COL11A2: variants seen among roughly 807,000 people sequenced by gnomAD.
COL11A2 encodes collagen alpha-2(XI) chain.
COL11A2 carries 116 observed loss-of-function variants against 273.4 expected under a neutral mutation model. That is an observed-to-expected ratio of 0.42 (90% confidence interval 0.36 to 0.49). COL11A2 has a LOEUF of 0.49. COL11A2 is among the 20% of genes least tolerant of loss of function. The pLI is 0.00. For missense variants in COL11A2, 1,866 were observed against 2,309.0 expected (o/e 0.81, Z 3.93); for synonymous variants, 782 against 864.2 (o/e 0.90, Z 1.67).
In COL11A2 at chr6:33,189,245, C is replaced by T; in HGVS notation, c.233-57G>A. The stretch of plus-strand genomic sequence containing the variant: ...GAGGCAAAGGGAGCCGCCACAACCC[C>T]TTTCCTCCTGGTGTCTGATCCTAGG... On this transcript the variant is annotated intron_variant, in intron 2 of 65. Transcript: ENST00000341947. This position sits in a 1 kb window ranked among gnomAD's most constrained non-coding sequence, Gnocchi z 5.6. 1.9e-6 allele frequency: 3 copies of T among 1,613,460 alleles called. No homozygotes were observed. The highest frequency in any genetic ancestry group is 2.2e-5 in the East Asian group (1 of 44,852).
In COL11A2 at chr6:33,167,337, A is replaced by G. The variant is rs760358440; in HGVS notation, c.4123-20T>C. ...CTGACCCTGAAGATTTGAGGGGGCC[A>G]CAGGGGTCAGGAGGAGCATCCCCAC... On this transcript the variant is annotated intron_variant, in intron 56 of 65. Transcript: ENST00000341947. This position sits in a 1 kb window ranked among gnomAD's most constrained non-coding sequence, Gnocchi z 6.1. 5 of 1,613,160 alleles carry G rather than the reference A, an allele frequency of 3.1e-6. No individual in the cohort carries two copies. The African/African-American group carries it at 5.3e-5, about 17-fold the overall frequency.
rs777951561 is a variant in COL11A2, at chr6:33,169,329, G to C, written c.3798+54C>G. On this transcript the variant is annotated intron_variant, in intron 51 of 65. Transcript: ENST00000341947. The surrounding 1 kb of genome is among the most constrained non-coding windows in gnomAD (Gnocchi z 5.5). ...TCCCTCACACACACCCATATTCCCA[G>C]GTCTGTCATTCACAGGGCCTGAGAG... 31 of 1,496,574 alleles carry C rather than the reference G, an allele frequency of 2.1e-5. No individual in the cohort carries two copies. The highest frequency in any genetic ancestry group is 2.9e-5 in the Non-Finnish European group (31 of 1,080,410). The allele number at this position is 1,496,574 out of a possible 1,614,324, so 92.7% of individuals were successfully genotyped here.
chr6:33,175,735 C>T (rs1231171154), intron 29 of COL11A2, 54 bp from the exon 30 acceptor site: 1 of 1,544,370 alleles, frequency 6.5e-7, no homozygotes, highest in Non-Finnish European at 8.9e-7. Context: ...GGGCTCTGGG[C>T]CCAGAGGAGA....
chr6:33,170,181 A>C lies in COL11A2; in HGVS notation c.3583-81T>G. The C allele has an allele frequency of 6.3e-7, 1 of 1,598,002 alleles. No individual in the cohort carries two copies. The highest frequency in any genetic ancestry group is 8.6e-7 in the Non-Finnish European group (1 of 1,166,500). ...GGCAAAGTCCCAGATGAGCAGCCCA[A>C]GGTTACAGCAGTGAGGCAGTGGAGG... On this transcript the variant is annotated intron_variant, in intron 48 of 65. Transcript: ENST00000341947. The surrounding 1 kb of genome is among the most constrained non-coding windows in gnomAD (Gnocchi z 4.3).
rs749279309 is a variant in COL11A2 at position 33,179,336 on chromosome 6, C to T, written c.1504-52G>A. ...TAAGGAAGGACACAGCCAACAGTGG[C>T]CTCGGAGTGTTCCCCAAAAGAAGCC... is the stretch of plus-strand genomic sequence containing the variant. On this transcript the variant is annotated intron_variant, in intron 14 of 65. Transcript: ENST00000341947. The surrounding 1 kb of genome is among the most constrained non-coding windows in gnomAD (Gnocchi z 6.4). The T allele has an allele frequency of 3.8e-6, 6 of 1,588,816 alleles. No individual in the cohort carries two copies. In the Admixed American group the frequency reaches 1.1e-4, roughly 29 times the overall value.
At chr6:33,186,296 C>T in intron 5 of COL11A2, 1 of 925,294 alleles carries the variant, frequency 1.1e-6, no homozygotes, top group Non-Finnish European at 1.5e-6. Flanking sequence ...GGCTTCAGTC[C>T]CCTCTCCTAC....
rs761687232 is a variant in COL11A2, at chr6:33,171,155, G to A, written c.3325C>T (p.Pro1109Ser). 6.4e-5 allele frequency: 103 copies of A among 1,603,034 alleles called. 1 individual carries two copies. Among genetic ancestry groups the A allele is most frequent in the Non-Finnish European group, 8.5e-5 (100 of 1,174,168 alleles). ...GNKGEHGPPG[P>S]PGPIGPVGQP... ...CCCACAGGACCAATGGGTCCAGGGG[G>A]TCCAGGAGGGCCCTGGGTAAGAGAA... The change falls in exon 45 of 66, where the codon CCC (proline) becomes TCC (serine). Residue 1109 changes from proline (P) to serine (S), a missense_variant. Pro to Ser is a moderately conservative substitution (Grantham distance 74, BLOSUM62 -1). Coordinates refer to ENST00000341947, the MANE Select transcript of COL11A2 (RefSeq NM_080680.3).
rs1217801728 is a variant in COL11A2 at position 33,192,343 on chromosome 6, C to T, written c.-103G>A. The T allele has an allele frequency of 8.6e-7, 1 of 1,166,042 alleles. No homozygotes were observed. The highest frequency in any genetic ancestry group is 1.3e-5 in the South Asian group (1 of 76,564). The allele number at this position is 1,166,042 out of a possible 1,614,324, so 72.2% of individuals were successfully genotyped here. A position where few individuals can be genotyped will look rare whatever the true frequency, so the allele number is the denominator to read the frequency against. ...CAGGGAGCAGACTATGAGCCTCAGA[C>T]GCCGGGGTCCCAGGGAGGTCAGAGG... On this transcript the variant is annotated 5_prime_UTR_variant, in exon 1 of 66. Transcript: ENST00000341947.
In COL11A2 at chr6:33,169,315, C is replaced by T; in HGVS notation, c.3798+68G>A. On this transcript the variant is annotated intron_variant, in intron 51 of 65. Transcript: ENST00000341947. The surrounding 1 kb of genome is among the most constrained non-coding windows in gnomAD (Gnocchi z 5.5). ...ACACTCCAAGATCCTCCCTCACACA[C>T]ACCCATATTCCCAGGTCTGTCATTC... The T allele has an allele frequency of 7.1e-7, 1 of 1,402,322 alleles. No homozygotes were observed. Among genetic ancestry groups the T allele is most frequent in the Non-Finnish European group, 1.0e-6 (1 of 1,000,726 alleles). The allele number at this position is 1,402,322 out of a possible 1,614,324, so 86.9% of individuals were successfully genotyped here.
chr6:33,179,132 G>A lies in COL11A2; in HGVS notation c.1558-6C>T, dbSNP rs1310502389. On this transcript the variant is annotated splice_region_variant and splice_polypyrimidine_tract_variant and intron_variant, in intron 15 of 65. Coordinates refer to ENST00000341947, the MANE Select transcript of COL11A2 (RefSeq NM_080680.3). The surrounding 1 kb of genome is among the most constrained non-coding windows in gnomAD (Gnocchi z 6.4). The stretch of plus-strand genomic sequence containing the variant: ...CCCTGAGGTCCTCTGGGGCCCTGGT[G>A]AGAGGAGAGATGGGGTGGGGTTAGG... 1 of 1,613,722 alleles carries A rather than the reference G, an allele frequency of 6.2e-7. No homozygotes were observed. The highest frequency in any genetic ancestry group is 1.1e-5 in the South Asian group (1 of 91,008).
rs748811826 is a variant in COL11A2 at position 33,166,204 on chromosome 6, T to C, written c.4395A>G (p.Gly1465=). 9 of 1,600,008 alleles carry C rather than the reference T, an allele frequency of 5.6e-6. No individual in the cohort carries two copies. The African/African-American group carries it at 8.0e-5, about 14-fold the overall frequency. Residue 1465 remains glycine (G), a splice_region_variant and synonymous_variant, in exon 61 of 66, where the codon GGA becomes GGG. Coordinates refer to ENST00000341947, the MANE Select transcript of COL11A2 (RefSeq NM_080680.3). The surrounding 1 kb of genome is among the most constrained non-coding windows in gnomAD (Gnocchi z 4.8). ...IGPGGPPGLP[G]PAGPKGAKGA... ...CTTTGGCTCCTTTGGGGCCAGCAGG[T>C]CCCTGTGAAATGAGGAACAAGAAAG...
chr6:33,170,514 G>T lies in COL11A2; in HGVS notation c.3528+43C>A. The stretch of plus-strand genomic sequence containing the variant: ...GGGGTGGGGGCTGGCCAGGGAGGGG[G>T]GTGACTAGTATGGTGGCTAGGGTCA... On this transcript the variant is annotated intron_variant, in intron 47 of 65. Coordinates refer to ENST00000341947, the MANE Select transcript of COL11A2 (RefSeq NM_080680.3). The surrounding 1 kb of genome is among the most constrained non-coding windows in gnomAD (Gnocchi z 4.3). The T allele has an allele frequency of 6.2e-7, 1 of 1,607,246 alleles. No individual in the cohort carries two copies. Among genetic ancestry groups the T allele is most frequent in the Non-Finnish European group, 8.5e-7 (1 of 1,176,010 alleles).
chr6:33,192,911 G>C (rs981927982), upstream of COL11A2, among the ~76,000 whole-genome samples: 9 of 152,130 alleles, frequency 5.9e-5, no homozygotes, highest in Admixed American at 4.6e-4. Flanking sequence ...TAATTACAGA[G>C]CCGGGCCGGG....
chr6:33,163,193 C>G lies in COL11A2; in HGVS notation c.*485G>C, dbSNP rs1768585045. 1 of 170,554 alleles carries G rather than the reference C, an allele frequency of 5.9e-6. No individual in the cohort carries two copies. Among genetic ancestry groups the G allele is most frequent in the East Asian group, 1.6e-4 (1 of 6,214 alleles). 10.6% of individuals were successfully genotyped at this position (170,554 alleles called of 1,614,324 possible). A position where few individuals can be genotyped will look rare whatever the true frequency, so the allele number is the denominator to read the frequency against. On this transcript the variant is annotated 3_prime_UTR_variant, in exon 66 of 66. Transcript: ENST00000341947. The surrounding 1 kb of genome is among the most constrained non-coding windows in gnomAD (Gnocchi z 4.1). ...AGGGAGGTGGGGTTCAGCCCTGAAA[C>G]CCCCCTACACACAGTCACTGAGGAA...
intron 42 of COL11A2, 44 bp downstream of exon 42, chr6:33,171,669 A>G: frequency 1.2e-6 from 2 of 1,602,340 alleles, no homozygotes; most frequent in Non-Finnish European, 1.7e-6. Flanking sequence ...CCCTAGGCTC[A>G]CAGACCCCTC....
intron 42 of COL11A2, 51 bp downstream of exon 42, chr6:33,171,662 T>C: frequency 6.2e-7 from 1 of 1,600,344 alleles, no homozygotes; most frequent in Non-Finnish European, 8.5e-7. Flanking sequence ...CCATCAACCC[T>C]AGGCTCACAG....
At chr6:33,188,587 G>A in intron 3 of COL11A2, 63 bp from the exon 4 acceptor site, 1 of 1,594,106 alleles carries the variant, frequency 6.3e-7, no homozygotes, top group Non-Finnish European at 8.6e-7. Flanking sequence ...AGTCAACATG[G>A]TTGGAGAGCA....
At position 33,167,858 on chromosome 6, in the gene COL11A2, G is replaced by C. The variant is rs1769406352; in HGVS notation, c.3961-6C>G. 1 of 1,612,792 alleles carries C rather than the reference G, an allele frequency of 6.2e-7. No homozygotes were observed. The highest frequency in any genetic ancestry group is 1.7e-5 in the Admixed American group (1 of 59,992). ...CCAGGCGAGCCAGCAGGACCCTGCAGGTGGAGTGGGAAGGAAGAGCACATG... is the reference window on the plus strand; with the variant it reads ...CCAGGCGAGCCAGCAGGACCCTGCACGTGGAGTGGGAAGGAAGAGCACATG... On this transcript the variant is annotated splice_polypyrimidine_tract_variant and splice_region_variant and intron_variant, in intron 54 of 65. Transcript: ENST00000341947. The surrounding 1 kb of genome is among the most constrained non-coding windows in gnomAD (Gnocchi z 6.1).
Position 33,184,250 on chromosome 6 carries a change from G to A in COL11A2, c.1014C>T (p.Asp338=), listed in dbSNP as rs754346626. The part of the protein sequence containing the change: ...QAEEYGEGGT[D]PPEGPYDYTY... ...TGTAATCGTAGGGCCCTTCAGGGGG[G>A]TCTGTGCCACCCTCCCCATATTCCT... Residue 338 remains aspartate, a synonymous_variant, in exon 8 of 66, where the codon GAC becomes GAT. Transcript: ENST00000341947. 1.5e-6 allele frequency: 2 copies of A among 1,367,696 alleles called. No homozygotes were observed. Among genetic ancestry groups the A allele is most frequent in the South Asian group, 1.1e-5 (1 of 88,048 alleles). 84.7% of individuals were successfully genotyped at this position (1,367,696 alleles called of 1,614,324 possible). A position where few individuals can be genotyped will look rare whatever the true frequency, so the allele number is the denominator to read the frequency against.
Sources: allele counts gnomAD v4.1 joint callset (sites outside exome capture counted in the v4.1 genomes callset), GRCh38; gene constraint gnomAD v4.1.1; non-coding constraint Gnocchi (gnomAD v3.1); transcripts MANE v1.5; gene names NCBI Gene and HGNC (gene_info 2026-07-23, HGNC 2026-07-21).